DPYSL3: variants seen among roughly 807,000 people sequenced by gnomAD.
The protein encoded by DPYSL3 is dihydropyrimidinase-related protein 3.
Under a neutral mutation model 66.1 loss-of-function variants are expected in DPYSL3, and 16 were observed. The observed-to-expected ratio is 0.24, with a 90% CI of 0.16 to 0.37. The LOEUF (loss-of-function observed/expected upper bound fraction) is 0.37. Among genes scored for constraint, DPYSL3 ranks in the 10% least tolerant of loss-of-function variants. The pLI is 1.00. For synonymous variants in DPYSL3, 338 were observed against 345.1 expected (o/e 0.98, Z 0.23); for missense variants, 738 against 916.2 (o/e 0.81, Z 2.51).
At chr5:147,400,955 C>T (rs954773817) in intron 9 of DPYSL3, 122 bp from the exon 10 acceptor site, 2 of 1,261,694 alleles carry the variant, frequency 1.6e-6, no homozygotes, top group Admixed American at 2.6e-5. Context: ...AATGCCTCCT[C>T]TACCTCTTAC....
At chr5:147,453,038 G>A (rs1004775447) in intron 1 of DPYSL3, among the ~76,000 whole-genome samples, 6 of 152,152 alleles carry the variant, frequency 3.9e-5, no homozygotes, top group Admixed American at 3.3e-4. Context: ...GCGAGGACAG[G>A]TGGTCCAGAC....
chr5:147,399,052 C>A (rs776580570), intron 11 of DPYSL3, 30 bp downstream of exon 11: 3 of 1,608,454 alleles, frequency 1.9e-6, no homozygotes, highest in Non-Finnish European at 2.5e-6. Flanking sequence ...ATTCTCCATT[C>A]TACTCCACTC....
chr5:147,484,184 C>A (rs141609225), intron 1 of DPYSL3, among the ~76,000 whole-genome samples: 2 of 152,318 alleles, frequency 1.3e-5, no homozygotes, highest in East Asian at 3.9e-4. Flanking sequence ...TTGGGAATTT[C>A]ATCCTGTTTG....
chr5:147,452,945 A>C (rs1581202567), intron 1 of DPYSL3, among the ~76,000 whole-genome samples: 1 of 149,540 alleles, frequency 6.7e-6, no homozygotes, highest in Non-Finnish European at 1.5e-5. Context: ...GATCATTCCC[A>C]CTGCAGCCAC....
intron 13 of DPYSL3, among the ~76,000 whole-genome samples, chr5:147,394,687 A>C (rs1426136976): frequency 6.6e-6 from 1 of 152,066 alleles, no homozygotes; most frequent in African/African-American, 2.4e-5. Flanking sequence ...AACAACAAAA[A>C]AAAAAAGGCA....
chr5:147,431,226 T>C (rs958490599), intron 1 of DPYSL3, among the ~76,000 whole-genome samples: 1 of 152,204 alleles, frequency 6.6e-6, no homozygotes, highest in Non-Finnish European at 1.5e-5. Context: ...CATTCTAAGA[T>C]AGTCCAGTTG....
At chr5:147,469,350 C>A (rs1368277738) in intron 1 of DPYSL3, among the ~76,000 whole-genome samples, 1 of 152,240 alleles carries the variant, frequency 6.6e-6, no homozygotes, top group African/African-American at 2.4e-5. Context: ...TGGAATCCAA[C>A]TCTGCTAGTC....
At chr5:147,414,506 A>C (rs1203843947) in intron 4 of DPYSL3, among the ~76,000 whole-genome samples, 1 of 152,154 alleles carries the variant, frequency 6.6e-6, no homozygotes, top group East Asian at 1.9e-4. Context: ...TTCTGGGCCA[A>C]AACTGGGTTG....
chr5:147,444,131 T>C (rs983741740), intron 1 of DPYSL3, among the ~76,000 whole-genome samples: 2 of 152,098 alleles, frequency 1.3e-5, no homozygotes, highest in African/African-American at 2.4e-5. Flanking sequence ...GGATAAGTTA[T>C]TATCCCTCCG....
intron 1 of DPYSL3, among the ~76,000 whole-genome samples, chr5:147,449,260 A>G (rs1256777856): frequency 6.6e-6 from 1 of 152,180 alleles, no homozygotes; most frequent in African/African-American, 2.4e-5. Flanking sequence ...AAAAGAAAAT[A>G]AATTCCAGTG....
intron 1 of DPYSL3, among the ~76,000 whole-genome samples, chr5:147,476,526 T>C (rs1289132982): frequency 6.6e-6 from 1 of 151,958 alleles, no homozygotes; most frequent in Admixed American, 6.6e-5. Flanking sequence ...TAACCAAGAG[T>C]TGGAGTTTTA....
intron 1 of DPYSL3, among the ~76,000 whole-genome samples, chr5:147,449,945 G>A (rs1752695143): frequency 6.6e-6 from 1 of 152,180 alleles, no homozygotes; most frequent in Admixed American, 6.5e-5. Flanking sequence ...GAAAGACCAT[G>A]TTGTGGGATT....
At chr5:147,398,927 T>C (rs1201874746) in intron 11 of DPYSL3, among the ~76,000 whole-genome samples, 155 bp downstream of exon 11, 1 of 152,206 alleles carries the variant, frequency 6.6e-6, no homozygotes, top group Non-Finnish European at 1.5e-5. Flanking sequence ...AGAAACACAG[T>C]TGAGGTTTTG....
Position 147,397,804 on chromosome 5 carries a change from C to A in DPYSL3, c.1665G>T (p.Gly555=). 1.2e-6 allele frequency: 2 copies of A among 1,613,834 alleles called. No individual in the cohort carries two copies. The highest frequency in any genetic ancestry group is 1.7e-6 in the Non-Finnish European group (2 of 1,179,980). Residue 555 remains glycine, a synonymous_variant, in exon 12 of 14, where the codon GGG becomes GGT. Transcript: ENST00000343218. The part of the protein sequence containing the change: ...YNIFEGMELR[G]APLVVICQGK... Reference sequence around the variant, plus strand: ...CCTGGCAGATGACAACCAGAGGAGCCCCGCGCAGCTCCATCCCTTCAAAGA... The same window carrying A: ...CCTGGCAGATGACAACCAGAGGAGCACCGCGCAGCTCCATCCCTTCAAAGA...
chr5:147,451,770 G>A (rs140374334), intron 1 of DPYSL3, among the ~76,000 whole-genome samples: 2 of 152,322 alleles, frequency 1.3e-5, no homozygotes, highest in Admixed American at 6.5e-5. Context: ...AATCTCCTGA[G>A]TTGGGGAGAT....
At chr5:147,445,069 T>C (rs756982771) in intron 1 of DPYSL3, among the ~76,000 whole-genome samples, 5 of 152,152 alleles carry the variant, frequency 3.3e-5, no homozygotes, top group South Asian at 2.1e-4. Flanking sequence ...GTTTCCTCTA[T>C]ATGAAAGACG....
At chr5:147,474,255 A>T (rs775109152) in intron 1 of DPYSL3, among the ~76,000 whole-genome samples, 1 of 152,094 alleles carries the variant, frequency 6.6e-6, no homozygotes, top group Non-Finnish European at 1.5e-5. Context: ...ACACATAATG[A>T]CAAAATCTGT....
intron 1 of DPYSL3, among the ~76,000 whole-genome samples, chr5:147,471,211 G>A (rs1184938830): frequency 1.3e-5 from 2 of 152,100 alleles, no homozygotes; most frequent in African/African-American, 2.4e-5. Context: ...TAGACTCACT[G>A]GCATATTAAC....
At chr5:147,477,899 T>C (rs892097340) in intron 1 of DPYSL3, among the ~76,000 whole-genome samples, 2 of 151,874 alleles carry the variant, frequency 1.3e-5, no homozygotes, top group Admixed American at 6.6e-5. Flanking sequence ...TTTACTAAAA[T>C]TGCAAAACTG....
Sources: allele counts gnomAD v4.1 joint callset (sites outside exome capture counted in the v4.1 genomes callset), GRCh38; gene constraint gnomAD v4.1.1; transcripts MANE v1.5; gene names NCBI Gene and HGNC (gene_info 2026-07-23, HGNC 2026-07-21).